The following MYOM2 variants were observed in gnomAD, a reference collection of about 807,000 sequenced individuals.
The protein encoded by MYOM2 is myomesin 2.
Under a neutral mutation model 187.6 loss-of-function variants are expected in MYOM2, and 254 were observed. The observed-to-expected ratio is 1.35, with a 90% CI of 1.22 to 1.50. MYOM2 has a LOEUF of 1.50. Among genes scored for constraint, MYOM2 ranks in the 40% most tolerant of loss-of-function variants. MYOM2 has a pLI of 0.00. For synonymous variants in MYOM2, 981 were observed against 753.8 expected, an observed-to-expected ratio of 1.30 and a Z score of -4.94; for missense variants, 2,796 against 1,924.0, an observed-to-expected ratio of 1.45 and a Z score of -8.48.
intron 31 of MYOM2, among the ~76,000 whole-genome samples, chr8:2,128,156 A>G (rs1382491395): frequency 1.3e-5 from 2 of 152,218 alleles, no homozygotes; most frequent in African/African-American, 2.4e-5. Context: ...ATGAGTTTCC[A>G]TTATTTTAAA....
At position 2,098,942 on chromosome 8, in the gene MYOM2, G is replaced by T. The variant is rs144330258; in HGVS notation, c.2399G>T (p.Ser800Ile). The T allele has an allele frequency of 9.9e-5, 159 of 1,613,628 alleles. No individual in the cohort carries two copies. The African/African-American group carries it at 2.0e-3, about 20-fold the overall frequency. ...GGCATCGGGGAGCCCTCAGATCCCA[G>T]TGAGCACTTCAAGTGTGAGGCCTGG... The part of the protein sequence containing the change: ...LAGIGEPSDP[S>I]EHFKCEAWTM... Residue 800 changes from serine (S) to isoleucine (I), a missense_variant, in exon 19 of 37, where the codon AGT becomes ATT. By Grantham distance (142) the Ser-to-Ile change is moderately radical. Transcript: ENST00000262113.
At chr8:2,114,120 C>T (rs933054632) in intron 25 of MYOM2, among the ~76,000 whole-genome samples, 7 of 152,186 alleles carry the variant, frequency 4.6e-5, no homozygotes, top group African/African-American at 7.2e-5. Context: ...GGGCTGCATT[C>T]GGGTGAGGTG....
intron 13 of MYOM2, among the ~76,000 whole-genome samples, chr8:2,079,866 T>A (rs1819562735): frequency 6.6e-6 from 1 of 152,104 alleles, no homozygotes; most frequent in Non-Finnish European, 1.5e-5. Flanking sequence ...TCATTTGGGG[T>A]TTACAAAGGC....
At chr8:2,085,194 GC>G in intron 13 of MYOM2, 68 bp from the exon 14 acceptor site, 1 of 1,571,496 alleles carries the variant, frequency 6.4e-7, no homozygotes, top group Non-Finnish European at 8.7e-7. Context: ...GTCCTCCAGT[GC>G]CCCGAGGTGG....
intron 32 of MYOM2, among the ~76,000 whole-genome samples, chr8:2,129,715 G>A (rs539773529): frequency 2.6e-5 from 4 of 152,244 alleles, no homozygotes; most frequent in South Asian, 4.1e-4. Flanking sequence ...TGCTTCTCTG[G>A]GTCGGTACGG....
intron 13 of MYOM2, among the ~76,000 whole-genome samples, chr8:2,083,840 A>G (rs1819718212): frequency 6.6e-6 from 1 of 152,220 alleles, no homozygotes; most frequent in South Asian, 2.1e-4. Context: ...TCCCCTGCTG[A>G]CAAAGCTGTG....
In MYOM2 at chr8:2,123,551, G is replaced by T; in HGVS notation, c.3568-4G>T. 1 of 1,612,652 alleles carries T rather than the reference G, an allele frequency of 6.2e-7. No homozygotes were observed. The highest frequency in any genetic ancestry group is 8.5e-7 in the Non-Finnish European group (1 of 1,178,758). ...CATAAATATGGAATGTGTTTTCTTT[G>T]TAGTTGTCAAAGAAGGACCACGGTG... On this transcript the variant is annotated splice_region_variant and splice_polypyrimidine_tract_variant and intron_variant, in intron 29 of 36. Coordinates refer to ENST00000262113, the MANE Select transcript of MYOM2 (RefSeq NM_003970.4).
chr8:2,138,610 A>C (rs1299764300), intron 32 of MYOM2, among the ~76,000 whole-genome samples: 1 of 152,206 alleles, frequency 6.6e-6, no homozygotes, highest in Non-Finnish European at 1.5e-5. Flanking sequence ...ATAGAACCAA[A>C]GTGCTCACAC....
chr8:2,051,554 G>C (rs938491964), intron 2 of MYOM2, among the ~76,000 whole-genome samples: 6 of 152,220 alleles, frequency 3.9e-5, no homozygotes, highest in African/African-American at 1.4e-4. Flanking sequence ...GTTTAGAAAC[G>C]CTTAGGGTAC....
chr8:2,088,362 G>C (rs76117196), intron 14 of MYOM2, among the ~76,000 whole-genome samples: 1 of 152,200 alleles, frequency 6.6e-6, no homozygotes, highest in Non-Finnish European at 1.5e-5. Context: ...TACTGATTTC[G>C]AGGTGCAGTT....
In MYOM2 at chr8:2,076,098, C is replaced by A. The variant is rs778730462; in HGVS notation, c.1121-43C>A. 16 of 1,583,104 alleles carry A rather than the reference C, an allele frequency of 1.0e-5. No homozygotes were observed. The South Asian group carries it at 1.6e-4, about 16-fold the overall frequency. On this transcript the variant is annotated intron_variant, in intron 10 of 36. Transcript: ENST00000262113. Reference sequence around the variant, plus strand: ...TAAACAGGCTTTGCAGTGACCCCAGCCTTTAAATGACAGGCGTGTGCCTTT... The same window carrying A: ...TAAACAGGCTTTGCAGTGACCCCAGACTTTAAATGACAGGCGTGTGCCTTT...
intron 20 of MYOM2, among the ~76,000 whole-genome samples, chr8:2,101,708 T>C (rs1336676678): frequency 6.6e-6 from 1 of 152,078 alleles, no homozygotes; most frequent in African/African-American, 2.4e-5. Flanking sequence ...CTGTGTGCTT[T>C]CCAAAGGGAT....
At chr8:2,125,904 C>T (rs959228209) in intron 31 of MYOM2, among the ~76,000 whole-genome samples, 2 of 151,950 alleles carry the variant, frequency 1.3e-5, no homozygotes, top group Non-Finnish European at 2.9e-5. Flanking sequence ...GCTTGAGCCA[C>T]TGTGCCTGGA....
At chr8:2,122,415 G>A (rs940757562) in intron 28 of MYOM2, among the ~76,000 whole-genome samples, 8 of 152,228 alleles carry the variant, frequency 5.3e-5, no homozygotes. Flanking sequence ...CGAAACCCCT[G>A]CTTCACAGAG....
chr8:2,073,662 C>T (rs1819316251), intron 10 of MYOM2, among the ~76,000 whole-genome samples, 162 bp downstream of exon 10: 2 of 152,182 alleles, frequency 1.3e-5, no homozygotes, highest in African/African-American at 4.8e-5. Flanking sequence ...AGTGCATGGG[C>T]ACGCCAGGTG....
intron 24 of MYOM2, 48 bp downstream of exon 24, chr8:2,108,878 A>T: frequency 6.3e-7 from 1 of 1,590,638 alleles, no homozygotes; most frequent in Non-Finnish European, 8.6e-7. Context: ...TGCTGGCTGG[A>T]GGGCCGTGTT....
At chr8:2,087,497 G>T (rs747937622) in intron 14 of MYOM2, among the ~76,000 whole-genome samples, 1 of 152,180 alleles carries the variant, frequency 6.6e-6, no homozygotes, top group East Asian at 1.9e-4. Flanking sequence ...TTTGTGTTAC[G>T]AAAATACAAG....
chr8:2,072,496 G>A lies in MYOM2; in HGVS notation c.945G>A (p.Glu315=), dbSNP rs2129334557. The A allele has an allele frequency of 6.2e-7, 1 of 1,613,362 alleles. No individual in the cohort carries two copies. Among genetic ancestry groups the A allele is most frequent in the South Asian group, 1.1e-5 (1 of 91,074 alleles). The change falls in exon 9 of 37, where the codon GAG becomes GAA. Residue 315 remains glutamate (E), a synonymous_variant. Transcript: ENST00000262113. Reference sequence around the variant, plus strand: ...TGAAGCGGGTGCAGCCGCGCGCCGAGTGGTACCGCGATGGTGAGTAGGACA... The same window carrying A: ...TGAAGCGGGTGCAGCCGCGCGCCGAATGGTACCGCGATGGTGAGTAGGACA... ...PDLKRVQPRA[E]WYRDDVLLKE...
At chr8:2,093,925 A>G (rs746807331) in intron 16 of MYOM2, 45 bp from the exon 17 acceptor site, 13 of 1,593,726 alleles carry the variant, frequency 8.2e-6, no homozygotes, top group Middle Eastern at 1.9e-4. Context: ...CAGGAGAGAA[A>G]AAGTGGAGCC....
Sources: gnomAD v4.1 joint callset for allele counts (sites outside exome capture counted in the v4.1 genomes callset) on GRCh38, gnomAD v4.1.1 for gene constraint, MANE v1.5 for transcripts, NCBI Gene and HGNC (gene_info 2026-07-23, HGNC 2026-07-21) for gene names.